Variants in XKR4 observed in about 807,000 individuals in gnomAD.
The protein encoded by XKR4 is XK related 4.
A neutral mutation model predicts 53.9 loss-of-function variants in XKR4; 12 were observed. The observed-to-expected ratio is 0.22, with a 90% CI of 0.14 to 0.36. The LOEUF is 0.36. Ranked by LOEUF, XKR4 falls within the 10% of genes least tolerant of loss-of-function variation. The pLI, the probability that XKR4 is intolerant of heterozygous loss-of-function variation, is 1.00. For missense variants in XKR4, 799 were observed against 859.5 expected (o/e 0.93, Z 0.88); for synonymous variants, 354 against 362.4 (o/e 0.98, Z 0.26).
chr8:55,287,130 G>GT (rs1818917370), intron 1 of XKR4, among the ~76,000 whole-genome samples: 1 of 30,128 alleles, frequency 3.3e-5, no homozygotes, highest in Non-Finnish European at 1.4e-4. Context: ...TAATTATTGG[G>GT]TGGGGGGGGG....
Position 55,451,772 on chromosome 8 carries a change from G to T in XKR4, c.1007-71509G>T, listed in dbSNP as rs962778361. 24 of 1,075,710 alleles carry T rather than the reference G, an allele frequency of 2.2e-5. No individual in the cohort carries two copies. The African/African-American group carries it at 2.9e-4, about 13-fold the overall frequency. The allele number at this position is 1,075,710 out of a possible 1,614,324, so 66.6% of individuals were successfully genotyped here. A position where few individuals can be genotyped will look rare whatever the true frequency, so the allele number is the denominator to read the frequency against. On this transcript the variant is annotated intron_variant, in intron 2 of 2. Transcript: ENST00000327381. Reference sequence around the variant, plus strand: ...GCCCGGCTCAGGCGGCTGCTCAGGGGGCCCAGGCCAAGGCACTGATAGTCG... The same window carrying T: ...GCCCGGCTCAGGCGGCTGCTCAGGGTGCCCAGGCCAAGGCACTGATAGTCG...
intron 2 of XKR4, chr8:55,451,565 G>T: frequency 8.6e-7 from 1 of 1,160,120 alleles, no homozygotes; most frequent in Non-Finnish European, 1.2e-6. Flanking sequence ...GAATGCAGCA[G>T]TACTGCCTTG....
intron 1 of XKR4, among the ~76,000 whole-genome samples, chr8:55,131,781 T>C (rs1227319740): frequency 2.0e-5 from 3 of 151,910 alleles, no homozygotes; most frequent in Admixed American, 6.6e-5. Flanking sequence ...AGTATTGCTC[T>C]ACCGTCCAGG....
Position 55,102,697 on chromosome 8 carries a change from G to C in XKR4, c.209G>C (p.Gly70Ala). ...TCGCGCTGCTGCTGCTGCTGCGCCGGGAGTGGCGGCTCCGCGGGCTCGGGC... is the reference window on the plus strand; with the variant it reads ...TCGCGCTGCTGCTGCTGCTGCGCCGCGAGTGGCGGCTCCGCGGGCTCGGGC... ...GCSRCCCCCA[G>A]SGGSAGSGGS... Residue 70 changes from glycine to alanine, a missense_variant, in exon 1 of 3, where the codon GGG becomes GCG. Physicochemically the swap from Gly to Ala is moderately conservative, Grantham distance 60. Transcript: ENST00000327381. This position sits in a 1 kb window ranked among gnomAD's most constrained non-coding sequence, Gnocchi z 5.1. 2 of 1,170,990 alleles carry C rather than the reference G, an allele frequency of 1.7e-6. No homozygotes were observed. The allele number at this position is 1,170,990 out of a possible 1,614,324, so 72.5% of individuals were successfully genotyped here. A position where few individuals can be genotyped will look rare whatever the true frequency, so the allele number is the denominator to read the frequency against.
chr8:55,205,405 T>C (rs1039597895), intron 1 of XKR4, among the ~76,000 whole-genome samples: 3 of 152,202 alleles, frequency 2.0e-5, no homozygotes, highest in African/African-American at 7.2e-5. Flanking sequence ...CTGTTCCTTC[T>C]ATTCTGTTTT....
chr8:55,425,793 C>T (rs1259529183), intron 2 of XKR4, among the ~76,000 whole-genome samples: 1 of 152,326 alleles, frequency 6.6e-6, no homozygotes, highest in East Asian at 1.9e-4. Flanking sequence ...TACCTCTCAG[C>T]TGATCCTCTG....
At chr8:55,190,736 T>C (rs1045431296) in intron 1 of XKR4, among the ~76,000 whole-genome samples, 1 of 152,146 alleles carries the variant, frequency 6.6e-6, no homozygotes, top group African/African-American at 2.4e-5. Context: ...TTTTAAAGTA[T>C]GTTGCGTTCT....
chr8:55,112,350 A>G, intron 1 of XKR4, among the ~76,000 whole-genome samples: 1 of 152,034 alleles, frequency 6.6e-6, no homozygotes, highest in Non-Finnish European at 1.5e-5. Context: ...TAGAAGTAGG[A>G]TCTATAGGGA....
chr8:55,369,384 GGGGAGGGGAGGGGAGGGGAGGGAAA>G (rs1396402219), intron 2 of XKR4, among the ~76,000 whole-genome samples: 1 of 86,086 alleles, frequency 1.2e-5, no homozygotes, highest in African/African-American at 5.7e-5. Flanking sequence ...GGGGAGGGGA[GGGGAGGGGAGGGGAGGGGAGGGAAA>G]GGAAGGGAAG....
intron 1 of XKR4, among the ~76,000 whole-genome samples, chr8:55,268,705 T>TG (rs1320838348): frequency 6.6e-6 from 1 of 152,134 alleles, no homozygotes; most frequent in African/African-American, 2.4e-5. Context: ...TAGCTTTGAG[T>TG]GCATTGTTTT....
intron 1 of XKR4, among the ~76,000 whole-genome samples, chr8:55,176,383 T>G (rs1284432525): frequency 1.3e-5 from 2 of 152,290 alleles, no homozygotes; most frequent in East Asian, 3.9e-4. Context: ...TCCAGAGACA[T>G]GTTGAAAGGT....
chr8:55,421,512 A>G (rs185466326), intron 2 of XKR4, among the ~76,000 whole-genome samples: 90 of 152,292 alleles, frequency 5.9e-4, no homozygotes, highest in African/African-American at 2.1e-3. Flanking sequence ...ACATCCAGGC[A>G]TCGCACCTTG....
In XKR4 at chr8:55,402,019, G is replaced by A. The variant is rs550823079; in HGVS notation, c.1006+44142G>A. The stretch of plus-strand genomic sequence containing the variant: ...GAAGGACATCATTTTGTATTTTCGC[G>A]AATCTTTTTCACGTCTGGCTAATAA... On this transcript the variant is annotated intron_variant, in intron 2 of 2. Transcript: ENST00000327381. Among the ~76,000 whole-genome samples, 11 of 152,070 alleles carry A rather than the reference G, an allele frequency of 7.2e-5. No homozygotes were observed. The East Asian group carries it at 9.6e-4, about 13-fold the overall frequency.
chr8:55,199,633 A>T (rs1412547225), intron 1 of XKR4, among the ~76,000 whole-genome samples: 1 of 152,140 alleles, frequency 6.6e-6, no homozygotes, highest in Non-Finnish European at 1.5e-5. Context: ...GAGTCTTTGG[A>T]CTGTTAATTT....
intron 2 of XKR4, chr8:55,450,101 C>T: frequency 1.4e-6 from 1 of 710,652 alleles, no homozygotes; most frequent in African/African-American, 1.7e-5. Flanking sequence ...TCCCAGGTGT[C>T]CTTCCAGCGC....
chr8:55,235,431 C>T (rs768692474), intron 1 of XKR4, among the ~76,000 whole-genome samples: 5 of 152,156 alleles, frequency 3.3e-5, no homozygotes, highest in Non-Finnish European at 7.3e-5. Context: ...AAATATCTGC[C>T]TCGTAGGTTG....
At chr8:55,289,500 G>A (rs1818951222) in intron 1 of XKR4, among the ~76,000 whole-genome samples, 3 of 145,692 alleles carry the variant, frequency 2.1e-5, no homozygotes. Context: ...GGGAGGCAGA[G>A]TGAGATTCTG....
chr8:55,108,748 C>T (rs1454745144), intron 1 of XKR4, among the ~76,000 whole-genome samples: 3 of 152,124 alleles, frequency 2.0e-5, no homozygotes, highest in Non-Finnish European at 4.4e-5. Flanking sequence ...TTATTAGTCA[C>T]ATTTAACTGT....
intron 2 of XKR4, among the ~76,000 whole-genome samples, chr8:55,404,569 A>T (rs969335935): frequency 1.3e-5 from 2 of 152,220 alleles, no homozygotes; most frequent in Non-Finnish European, 2.9e-5. Context: ...CTACAGAAAG[A>T]TCGTTGTGTT....
Sources: allele counts gnomAD v4.1 joint callset (sites outside exome capture counted in the v4.1 genomes callset), GRCh38; gene constraint gnomAD v4.1.1; non-coding constraint Gnocchi (gnomAD v3.1); transcripts MANE v1.5; gene names NCBI Gene and HGNC (gene_info 2026-07-23, HGNC 2026-07-21).